PKNOX2: variants seen among roughly 807,000 people sequenced by gnomAD.
PKNOX2 encodes PBX/knotted 1 homeobox 2.
In PKNOX2, 14 loss-of-function variants were observed where a neutral mutation model predicts 53.1. That is an observed-to-expected ratio of 0.26 (90% CI 0.17 to 0.41). PKNOX2 has a LOEUF of 0.41. PKNOX2 is among the 10% of genes least tolerant of loss of function. The probability of loss-of-function intolerance (pLI) is 1.00; values close to 1 mark genes in which losing one functional copy is unlikely to be tolerated. For synonymous variants in PKNOX2, 257 were observed against 242.8 expected, an observed-to-expected ratio of 1.06 and a Z score of -0.54; for missense variants, 496 against 602.8, an observed-to-expected ratio of 0.82 and a Z score of 1.85.
chr11:125,416,252 G>A (rs1442144467), intron 10 of PKNOX2, among the ~76,000 whole-genome samples: 4 of 133,086 alleles, frequency 3.0e-5, no homozygotes, highest in African/African-American at 5.8e-5. Flanking sequence ...GCAGTGAGCC[G>A]AGATCCCGCC....
chr11:125,214,758 C>G (rs1940283290), intron 1 of PKNOX2, among the ~76,000 whole-genome samples: 1 of 152,054 alleles, frequency 6.6e-6, no homozygotes, highest in Admixed American at 6.5e-5. Flanking sequence ...GAGCCCTTCC[C>G]TCTCCACCCT....
intron 2 of PKNOX2, among the ~76,000 whole-genome samples, chr11:125,280,394 G>A (rs1946475729): frequency 6.6e-6 from 1 of 152,100 alleles, no homozygotes; most frequent in African/African-American, 2.4e-5. Flanking sequence ...GTGTAGGCTG[G>A]GGGAGATGGG....
Position 125,367,854 on chromosome 11 carries a change from A to G in PKNOX2, c.96A>G (p.Ala32=), listed in dbSNP as rs780582074. The change falls in exon 5 of 13, where the codon GCA becomes GCG. Residue 32 remains alanine (A), a synonymous_variant. Coordinates refer to ENST00000298282, the MANE Select transcript of PKNOX2 (RefSeq NM_001382323.2). ...PPYQDSPQMT[A]TAQPPSKAQA... The stretch of plus-strand genomic sequence containing the variant: ...CTTTCTTCTCTCTGCAGATGACGGC[A>G]ACCGCCCAGCCACCCTCCAAGGCCC... 2.5e-6 allele frequency: 4 copies of G among 1,611,612 alleles called. No individual in the cohort carries two copies. In the African/African-American group the frequency reaches 5.3e-5, roughly 22 times the overall value.
intron 4 of PKNOX2, among the ~76,000 whole-genome samples, chr11:125,358,697 C>A (rs1052595612): frequency 6.6e-6 from 1 of 152,242 alleles, no homozygotes; most frequent in East Asian, 1.9e-4. Flanking sequence ...GCTCTGATGC[C>A]GGCCCTTCCT....
At position 125,309,176 on chromosome 11, in the gene PKNOX2, C is replaced by G. The variant is rs571321065; in HGVS notation, c.-129-22643C>G. ...CTTTCTTTCCTTCCTTCCTTCCTCT[C>G]TCTCTTTCTTCCTTCCTTCCTCTCT... On this transcript the variant is annotated intron_variant, in intron 2 of 12. Transcript: ENST00000298282. 4.9e-3 allele frequency among the ~76,000 whole-genome samples: 702 copies of G among 142,208 alleles called. 5 individuals are homozygous for G. Among genetic ancestry groups the G allele is most frequent in the African/African-American group, 0.02 (673 of 32,872 alleles). The allele number at this position is 142,208 out of a possible 152,430, so 93.3% of individuals were successfully genotyped here. A position where few individuals can be genotyped will look rare whatever the true frequency, so the allele number is the denominator to read the frequency against.
At chr11:125,362,892 C>T (rs73618194) in intron 4 of PKNOX2, among the ~76,000 whole-genome samples, 2 of 152,116 alleles carry the variant, frequency 1.3e-5, no homozygotes, top group African/African-American at 4.8e-5. Context: ...TCTCTCAGCC[C>T]CACCCAGATT....
intron 3 of PKNOX2, among the ~76,000 whole-genome samples, chr11:125,336,791 T>C (rs1221788129): frequency 6.8e-6 from 1 of 147,252 alleles, no homozygotes; most frequent in Non-Finnish European, 1.5e-5. Context: ...TATAGTATAC[T>C]ATATAATATA....
intron 2 of PKNOX2, among the ~76,000 whole-genome samples, chr11:125,326,154 C>T (rs997161684): frequency 7.2e-5 from 11 of 152,074 alleles, no homozygotes; most frequent in African/African-American, 1.2e-4. Context: ...ATGATGACAT[C>T]GAGGGGAGAT....
At chr11:125,290,926 A>T (rs1442401706) in intron 2 of PKNOX2, among the ~76,000 whole-genome samples, 1 of 152,196 alleles carries the variant, frequency 6.6e-6, no homozygotes, top group Non-Finnish European at 1.5e-5. Flanking sequence ...TGACCCTAGA[A>T]GGATGAGTAG....
intron 2 of PKNOX2, among the ~76,000 whole-genome samples, chr11:125,326,588 G>C (rs1324573160): frequency 6.6e-6 from 1 of 152,194 alleles, no homozygotes. Context: ...AGCTTCCAAA[G>C]AGCCCCTCTC....
In PKNOX2 at chr11:125,206,056, G is replaced by C. The variant is rs1308936719; in HGVS notation, c.-200-28989G>C. The stretch of plus-strand genomic sequence containing the variant: ...CTGAAATGACCGGGGCCTTGGTTGG[G>C]CTGGGATGGAGCTCAGCTCAGTGCA... On this transcript the variant is annotated intron_variant, in intron 1 of 12. Coordinates refer to ENST00000298282, the MANE Select transcript of PKNOX2 (RefSeq NM_001382323.2). 2.0e-5 allele frequency among the ~76,000 whole-genome samples: 3 copies of C among 152,096 alleles called. No homozygotes were observed. The East Asian group carries it at 5.8e-4, about 29-fold the overall frequency.
intron 2 of PKNOX2, among the ~76,000 whole-genome samples, chr11:125,304,875 A>G (rs772704984): frequency 2.0e-5 from 3 of 152,238 alleles, no homozygotes; most frequent in Non-Finnish European, 4.4e-5. Flanking sequence ...GCCCATGTGT[A>G]GCGTCAGACA....
chr11:125,325,865 G>A lies in PKNOX2; in HGVS notation c.-129-5954G>A, dbSNP rs147710825. On this transcript the variant is annotated intron_variant, in intron 2 of 12. Coordinates refer to ENST00000298282, the MANE Select transcript of PKNOX2 (RefSeq NM_001382323.2). ...CCACATTCACTTAGTGTTACTGCAG[G>A]AAGCATGCAAAATAATACATAGTTT... Among the ~76,000 whole-genome samples the A allele has an allele frequency of 1.2e-3, 176 of 152,230 alleles. 1 individual carries two copies. The East Asian group carries it at 0.017, about 15-fold the overall frequency.
rs541778421 is a variant in PKNOX2, at chr11:125,410,632, C to T, written c.719-147C>T. ...GCTCTAGACACCATCCCCCACCCAC[C>T]CATAAAGCAGAAAGCCATAGCTCGC... On this transcript the variant is annotated intron_variant, in intron 8 of 12. Transcript: ENST00000298282. The T allele has an allele frequency of 1.5e-4, 102 of 680,434 alleles. No individual in the cohort carries two copies. The African/African-American group carries it at 1.7e-3, about 11-fold the overall frequency. 42.1% of individuals were successfully genotyped at this position (680,434 alleles called of 1,614,324 possible).
At chr11:125,378,878 T>G (rs1332251469) in intron 5 of PKNOX2, among the ~76,000 whole-genome samples, 1 of 152,194 alleles carries the variant, frequency 6.6e-6, no homozygotes, top group African/African-American at 2.4e-5. Flanking sequence ...TTTTGCATCT[T>G]CGCCTCTCTG....
intron 1 of PKNOX2, among the ~76,000 whole-genome samples, chr11:125,219,684 A>C (rs1940924847): frequency 6.6e-6 from 1 of 152,224 alleles, no homozygotes; most frequent in Admixed American, 6.5e-5. Context: ...TAGTAAGAGA[A>C]ATGCAAATTA....
chr11:125,174,843 C>A (rs1180498371), intron 1 of PKNOX2, among the ~76,000 whole-genome samples: 1 of 152,092 alleles, frequency 6.6e-6, no homozygotes, highest in African/African-American at 2.4e-5. Flanking sequence ...AGCTCCTCTC[C>A]CGGCCCCTCT....
intron 10 of PKNOX2, among the ~76,000 whole-genome samples, chr11:125,423,135 A>G (rs10790735): frequency 0.4 from 61,447 of 151,944 alleles, 12,824 homozygotes; most frequent in Middle Eastern, 0.51. Flanking sequence ...TCTTATAGCA[A>G]CCTTGAAGCA....
intron 1 of PKNOX2, among the ~76,000 whole-genome samples, chr11:125,196,294 G>A (rs762731368): frequency 5.9e-5 from 9 of 152,238 alleles, no homozygotes; most frequent in South Asian, 2.1e-4. Context: ...ACTCTTGTGC[G>A]TGCTGACTGT....
Sources: gnomAD v4.1 joint callset for allele counts (sites outside exome capture counted in the v4.1 genomes callset) on GRCh38, gnomAD v4.1.1 for gene constraint, MANE v1.5 for transcripts, NCBI Gene and HGNC (gene_info 2026-07-23, HGNC 2026-07-21) for gene names.